The following STAMBP variants were observed in gnomAD, a reference collection of about 807,000 sequenced individuals.
The protein encoded by STAMBP is STAM-binding protein.
A neutral mutation model predicts 50.7 loss-of-function variants in STAMBP; 31 were observed. The ratio of observed to expected loss-of-function variants is 0.61; its 90% CI spans 0.46 to 0.83. STAMBP has a LOEUF of 0.83. STAMBP is among the 40% of genes least tolerant of loss of function. STAMBP has a pLI of 0.00. For missense variants in STAMBP, 472 were observed against 518.9 expected (o/e 0.91, Z 0.88); for synonymous variants, 211 against 192.4 (o/e 1.10, Z -0.80).
intron 2 of STAMBP, among the ~76,000 whole-genome samples, chr2:73,832,108 T>TATATATATATATATATATACATAC (rs1006072205): frequency 1.6e-5 from 2 of 122,902 alleles, no homozygotes; most frequent in Non-Finnish European, 3.2e-5. Context: ...TATATATATA[T>TATATATATATATATATATACATAC]ACACATATAT....
rs1379348736 is a variant in STAMBP, at chr2:73,829,176, A to G, written c.-347A>G. 1 of 152,314 alleles carries G rather than the reference A, an allele frequency of 6.6e-6. No individual in the cohort carries two copies. The highest frequency in any genetic ancestry group is 1.5e-5 in the Non-Finnish European group (1 of 68,092). The allele number at this position is 152,314 out of a possible 1,614,324, so 9.4% of individuals were successfully genotyped here. A position where few individuals can be genotyped will look rare whatever the true frequency, so the allele number is the denominator to read the frequency against. ...TCCGCGGGCTGGCGCCTGACCAGCCAGGCCCAGCGGTTCCCCGCCTACTGC... is the reference window on the plus strand; with the variant it reads ...TCCGCGGGCTGGCGCCTGACCAGCCGGGCCCAGCGGTTCCCCGCCTACTGC... On this transcript the variant is annotated 5_prime_UTR_variant, in exon 1 of 10. Transcript: ENST00000394070.
At chr2:73,841,959 T>G (rs1338549861) in intron 2 of STAMBP, among the ~76,000 whole-genome samples, 1 of 152,130 alleles carries the variant, frequency 6.6e-6, no homozygotes, top group Non-Finnish European at 1.5e-5. Context: ...AGGTTTTTTT[T>G]GTTTGTTTTT....
chr2:73,846,313 A>G (rs1676046524), intron 4 of STAMBP, among the ~76,000 whole-genome samples: 2 of 152,094 alleles, frequency 1.3e-5, no homozygotes, highest in Non-Finnish European at 2.9e-5. Context: ...GTTAAAATTC[A>G]GTAGAAGGCA....
chr2:73,858,889 C>T (rs540630464), intron 7 of STAMBP, among the ~76,000 whole-genome samples: 2 of 151,372 alleles, frequency 1.3e-5, no homozygotes, highest in African/African-American at 4.9e-5. Flanking sequence ...AGAGTAGTCC[C>T]CCCCTTATCC....
At chr2:73,847,780 C>A in intron 5 of STAMBP, 27 bp downstream of exon 5, 1 of 1,596,416 alleles carries the variant, frequency 6.3e-7, no homozygotes. Context: ...ATGTCCTCTT[C>A]CTTCTCAGTT....
At position 73,866,155 on chromosome 2, in the gene STAMBP, T is replaced by G. The variant is rs1678868748; in HGVS notation, c.*3896T>G. On this transcript the variant is annotated 3_prime_UTR_variant, in exon 10 of 10. Transcript: ENST00000394070. ...CAATTTTTAGTTCACCTTAGCCTGTTTGAGATTAGAAGCTGGGCCTTAACT... is the reference window on the plus strand; with the variant it reads ...CAATTTTTAGTTCACCTTAGCCTGTGTGAGATTAGAAGCTGGGCCTTAACT... 6.6e-6 allele frequency: 1 copy of G among 152,212 alleles called. No individual in the cohort carries two copies. 9.4% of individuals were successfully genotyped at this position (152,212 alleles called of 1,614,324 possible).
chr2:73,865,512 A>T lies in STAMBP; in HGVS notation c.*3253A>T, dbSNP rs1005686767. ...TGGAAATCCTGTTTAGATCAGGACT[A>T]TTGGAATATTATCCTCTCCAGGGGA... is the stretch of plus-strand genomic sequence containing the variant. On this transcript the variant is annotated 3_prime_UTR_variant, in exon 10 of 10. Transcript: ENST00000394070. The T allele has an allele frequency of 2.6e-5, 4 of 152,194 alleles. No homozygotes were observed. Among genetic ancestry groups the T allele is most frequent in the Middle Eastern group, 3.2e-3 (1 of 316 alleles). 9.4% of individuals were successfully genotyped at this position (152,194 alleles called of 1,614,324 possible).
At chr2:73,832,379 C>A (rs1223582940) in intron 2 of STAMBP, among the ~76,000 whole-genome samples, 1 of 151,044 alleles carries the variant, frequency 6.6e-6, no homozygotes, top group Non-Finnish European at 1.5e-5. Flanking sequence ...CGCTTGAAAC[C>A]AGGAGGCAGA....
chr2:73,844,699 T>A, intron 2 of STAMBP, 114 bp from the exon 3 acceptor site: 1 of 791,508 alleles, frequency 1.3e-6, no homozygotes, highest in Middle Eastern at 2.3e-4. Context: ...CTCCCTCCGC[T>A]GCACTTCTGG....
intron 2 of STAMBP, among the ~76,000 whole-genome samples, chr2:73,842,758 C>G (rs952588532): frequency 6.6e-6 from 1 of 152,096 alleles, no homozygotes. Context: ...TATGTACATA[C>G]TTGTACATAT....
chr2:73,834,777 A>G (rs1011743726), intron 2 of STAMBP, among the ~76,000 whole-genome samples: 1 of 152,210 alleles, frequency 6.6e-6, no homozygotes, highest in African/African-American at 2.4e-5. Flanking sequence ...GAGGGATGCA[A>G]TACAGTTGGT....
chr2:73,871,716 G>A (rs1406081948), downstream of STAMBP, among the ~76,000 whole-genome samples: 1 of 152,120 alleles, frequency 6.6e-6, no homozygotes, highest in East Asian at 1.9e-4. Context: ...TTTCAATGAG[G>A]TAGCTTTGAC....
Position 73,850,519 on chromosome 2 carries a change from C to T in STAMBP, c.1005+6C>T. On this transcript the variant is annotated splice_donor_region_variant and intron_variant, in intron 7 of 9. Coordinates refer to ENST00000394070, the MANE Select transcript of STAMBP (RefSeq NM_213622.4). The surrounding 1 kb of genome is among the most constrained non-coding windows in gnomAD (Gnocchi z 4.3). ...TCACACTGGGCTGGATTCATGTAAG[C>T]AATTCTGAGCTGTCCGAGAGTTAGT... 1 of 1,611,486 alleles carries T rather than the reference C, an allele frequency of 6.2e-7. No homozygotes were observed. The highest frequency in any genetic ancestry group is 8.5e-7 in the Non-Finnish European group (1 of 1,178,786).
rs547141321 is a variant in STAMBP at position 73,837,449 on chromosome 2, G to A, written c.203+6390G>A. On this transcript the variant is annotated intron_variant, in intron 2 of 9. Coordinates refer to ENST00000394070, the MANE Select transcript of STAMBP (RefSeq NM_213622.4). ...AAATACAAAAAATAAGCCTGGCATGGTGGCAGGTGCCTGTAGTCCCAGCTA... is the reference window on the plus strand; with the variant it reads ...AAATACAAAAAATAAGCCTGGCATGATGGCAGGTGCCTGTAGTCCCAGCTA... 2.0e-5 allele frequency among the ~76,000 whole-genome samples: 3 copies of A among 152,008 alleles called. No homozygotes were observed. In the East Asian group the frequency reaches 5.8e-4, roughly 30 times the overall value.
Position 73,859,259 on chromosome 2 carries a change from C to A in STAMBP, c.1011C>A (p.His337Gln). The change falls in exon 8 of 10, where the codon CAC becomes CAA. Residue 337 changes from histidine to glutamine, a missense_variant. By Grantham distance (24) the His-to-Gln change is conservative. Coordinates refer to ENST00000394070, the MANE Select transcript of STAMBP (RefSeq NM_213622.4). ...GACTCTTTTTCTCTCCTCAGACTCA[C>A]CCCACACAGACCGCGTTTCTCTCCA... ...GLITLGWIHTHPTQTAFLSSV... is the reference protein window; with the variant it reads ...GLITLGWIHTQPTQTAFLSSV... 1 of 1,613,902 alleles carries A rather than the reference C, an allele frequency of 6.2e-7. No individual in the cohort carries two copies. The highest frequency in any genetic ancestry group is 8.5e-7 in the Non-Finnish European group (1 of 1,179,784).
At chr2:73,849,898 A>C (rs1007690686) in intron 6 of STAMBP, among the ~76,000 whole-genome samples, 3 of 152,222 alleles carry the variant, frequency 2.0e-5, no homozygotes, top group African/African-American at 4.8e-5. Flanking sequence ...GTACAGTATA[A>C]GTATTGGGAA....
chr2:73,846,407 C>T (rs1231159305), intron 4 of STAMBP, among the ~76,000 whole-genome samples: 3 of 150,924 alleles, frequency 2.0e-5, no homozygotes, highest in South Asian at 4.2e-4. Context: ...TCGAGACCAG[C>T]CTGGGCAACA....
chr2:73,843,410 A>G (rs1009823247), intron 2 of STAMBP, among the ~76,000 whole-genome samples: 14 of 137,106 alleles, frequency 1.0e-4, no homozygotes, highest in East Asian at 4.4e-4. Flanking sequence ...GTGTATGTAT[A>G]TATATATATG....
chr2:73,832,388 G>T (rs572861007), intron 2 of STAMBP, among the ~76,000 whole-genome samples: 1 of 151,284 alleles, frequency 6.6e-6, no homozygotes, highest in African/African-American at 2.4e-5. Context: ...CCAGGAGGCA[G>T]AGGTTGTAGT....
Sources: allele counts gnomAD v4.1 joint callset (sites outside exome capture counted in the v4.1 genomes callset), GRCh38; gene constraint gnomAD v4.1.1; non-coding constraint Gnocchi (gnomAD v3.1); transcripts MANE v1.5; gene names NCBI Gene and HGNC (gene_info 2026-07-23, HGNC 2026-07-21).